RORA: variants seen among roughly 807,000 people sequenced by gnomAD.
The protein encoded by RORA is nuclear receptor ROR-alpha.
A neutral mutation model predicts 69.5 loss-of-function variants in RORA; 7 were observed. The observed-to-expected ratio is 0.10, with a 90% CI of 0.06 to 0.19. The LOEUF (loss-of-function observed/expected upper bound fraction) is 0.19. RORA is among the 10% of genes least tolerant of loss of function. The probability of loss-of-function intolerance (pLI) is 1.00; values close to 1 mark genes in which losing one functional copy is unlikely to be tolerated. For missense variants in RORA, 457 were observed against 663.0 expected, an observed-to-expected ratio of 0.69 and a Z score of 3.41; for synonymous variants, 261 against 240.8, an observed-to-expected ratio of 1.08 and a Z score of -0.78.
At chr15:60,625,447 C>T (rs1007227942) in intron 2 of RORA, among the ~76,000 whole-genome samples, 3 of 152,206 alleles carry the variant, frequency 2.0e-5, no homozygotes, top group East Asian at 1.9e-4. Flanking sequence ...CCTACTATTC[C>T]GCATCTAGGA....
intron 1 of RORA, among the ~76,000 whole-genome samples, chr15:61,004,261 G>A (rs1894839410): frequency 6.6e-6 from 1 of 150,694 alleles, no homozygotes; most frequent in South Asian, 2.1e-4. Flanking sequence ...AGAGAGGAGA[G>A]AGAAGAGAGA....
chr15:60,609,327 G>A (rs2069028556), intron 2 of RORA, among the ~76,000 whole-genome samples: 1 of 152,178 alleles, frequency 6.6e-6, no homozygotes, highest in Non-Finnish European at 1.5e-5. Flanking sequence ...ATTAAAACGT[G>A]AAATACTTAA....
At chr15:60,773,501 C>T (rs2072109787) in intron 1 of RORA, among the ~76,000 whole-genome samples, 1 of 152,120 alleles carries the variant, frequency 6.6e-6, no homozygotes, top group South Asian at 2.1e-4. Context: ...GTACTTTTTA[C>T]CAATCCTGAT....
chr15:60,598,131 G>A (rs1209976631), intron 2 of RORA, among the ~76,000 whole-genome samples: 1 of 152,132 alleles, frequency 6.6e-6, no homozygotes, highest in Non-Finnish European at 1.5e-5. Flanking sequence ...AAAGGAAAAA[G>A]TGATATCTCT....
intron 1 of RORA, among the ~76,000 whole-genome samples, chr15:60,986,349 G>T (rs1022900173): frequency 1.3e-5 from 2 of 152,170 alleles, no homozygotes; most frequent in African/African-American, 4.8e-5. Context: ...GGCCAAGCTG[G>T]TCTTGATCTC....
chr15:61,102,755 C>A (rs949680005), intron 1 of RORA, among the ~76,000 whole-genome samples: 1 of 152,142 alleles, frequency 6.6e-6, no homozygotes, highest in East Asian at 1.9e-4. Context: ...GTTTTTCTTT[C>A]TTTAACATAC....
At chr15:60,949,495 G>A (rs976408300) in intron 1 of RORA, among the ~76,000 whole-genome samples, 1 of 152,196 alleles carries the variant, frequency 6.6e-6, no homozygotes, top group African/African-American at 2.4e-5. Context: ...CTGGACCCGA[G>A]CAGCAGAGCA....
intron 1 of RORA, among the ~76,000 whole-genome samples, chr15:60,720,844 A>G (rs923060175): frequency 6.6e-6 from 1 of 152,172 alleles, no homozygotes; most frequent in African/African-American, 2.4e-5. Flanking sequence ...TGACTTCTTC[A>G]GCTTTCCTTG....
intron 1 of RORA, among the ~76,000 whole-genome samples, chr15:60,702,144 A>G (rs987892567): frequency 3.3e-5 from 5 of 152,126 alleles, no homozygotes; most frequent in African/African-American, 1.2e-4. Flanking sequence ...CAAGTCACTT[A>G]CCCTCTCAAA....
At chr15:61,063,602 G>C (rs576141602) in intron 1 of RORA, among the ~76,000 whole-genome samples, 1 of 152,238 alleles carries the variant, frequency 6.6e-6, no homozygotes, top group Admixed American at 6.5e-5. Context: ...CTCCTAAACT[G>C]TATATCCTTG....
intron 1 of RORA, among the ~76,000 whole-genome samples, chr15:61,019,587 T>C (rs4775347): frequency 0.99 from 150,170 of 152,226 alleles, 74,110 homozygotes; most frequent in Middle Eastern, 1. Context: ...GGGGTTGTTC[T>C]GGGCTGGAAA....
At chr15:60,578,505 C>G (rs1362630634) in intron 2 of RORA, among the ~76,000 whole-genome samples, 1 of 152,112 alleles carries the variant, frequency 6.6e-6, no homozygotes, top group Non-Finnish European at 1.5e-5. Flanking sequence ...TGAAACATAT[C>G]CACATCTGAA....
intron 1 of RORA, among the ~76,000 whole-genome samples, chr15:60,880,423 G>C (rs549900459): frequency 6.6e-6 from 1 of 152,308 alleles, no homozygotes; most frequent in African/African-American, 2.4e-5. Flanking sequence ...GGCAGATCAC[G>C]AGGTCAGGAG....
intron 2 of RORA, among the ~76,000 whole-genome samples, chr15:60,641,729 A>G (rs1005257307): frequency 1.3e-5 from 2 of 152,186 alleles, no homozygotes; most frequent in East Asian, 1.9e-4. Flanking sequence ...ATTTCTAAAG[A>G]TTCTATGATT....
intron 1 of RORA, among the ~76,000 whole-genome samples, chr15:61,049,195 G>T (rs1330235913): frequency 1.3e-5 from 2 of 152,184 alleles, no homozygotes; most frequent in Non-Finnish European, 2.9e-5. Context: ...ATGATGAAAA[G>T]CACTGTCATG....
At chr15:60,774,471 G>A (rs541222477) in intron 1 of RORA, among the ~76,000 whole-genome samples, 1 of 152,262 alleles carries the variant, frequency 6.6e-6, no homozygotes, top group East Asian at 1.9e-4. Context: ...CCCTTCCTAA[G>A]GACTCTTCCT....
chr15:60,715,169 G>T lies in RORA; in HGVS notation c.167-36483C>A, dbSNP rs565326329. ...GATTTATTCTCAAGCAGCCTGTGAT[G>T]CAGGGCCTTGGCCATACCTCCCAAT... is the stretch of plus-strand genomic sequence containing the variant. On this transcript the variant is annotated intron_variant, in intron 1 of 10. Coordinates refer to ENST00000335670, the MANE Select transcript of RORA (RefSeq NM_134261.3). Among the ~76,000 whole-genome samples, 11 of 152,296 alleles carry T rather than the reference G, an allele frequency of 7.2e-5. No individual in the cohort carries two copies. The East Asian group carries it at 2.1e-3, about 29-fold the overall frequency.
At chr15:60,916,363 T>C (rs1891872948) in intron 1 of RORA, among the ~76,000 whole-genome samples, 2 of 152,246 alleles carry the variant, frequency 1.3e-5, no homozygotes, top group South Asian at 4.1e-4. Context: ...CCTGGTATTC[T>C]ATGACAAACG....
At chr15:60,596,919 T>A (rs923176526) in intron 2 of RORA, among the ~76,000 whole-genome samples, 2 of 152,144 alleles carry the variant, frequency 1.3e-5, no homozygotes, top group African/African-American at 4.8e-5. Flanking sequence ...TTTCTCATAA[T>A]CAGCCACACT....
Sources: allele counts gnomAD v4.1 joint callset (sites outside exome capture counted in the v4.1 genomes callset), GRCh38; gene constraint gnomAD v4.1.1; transcripts MANE v1.5; gene names NCBI Gene and HGNC (gene_info 2026-07-23, HGNC 2026-07-21).